ELP1: variants seen among roughly 807,000 people sequenced by gnomAD.
The protein encoded by ELP1 is elongator acetyltransferase complex subunit 1.
ELP1 carries 131 observed loss-of-function variants against 183.2 expected under a neutral mutation model. The observed-to-expected ratio is 0.72, with a 90% CI of 0.62 to 0.83. The LOEUF (loss-of-function observed/expected upper bound fraction) is 0.83. Among genes scored for constraint, ELP1 ranks in the 40% least tolerant of loss-of-function variants. The pLI, the probability that ELP1 is intolerant of heterozygous loss-of-function variation, is 0.00. For missense variants in ELP1, 1,550 were observed against 1,594.9 expected (o/e 0.97, Z 0.48); for synonymous variants, 555 against 569.0 (o/e 0.98, Z 0.35).
chr9:108,883,802 T>G (rs1269943240), intron 29 of ELP1, among the ~76,000 whole-genome samples: 1 of 150,494 alleles, frequency 6.6e-6, no homozygotes, highest in South Asian at 2.1e-4. Flanking sequence ...AAGCCAACAG[T>G]GGAGGTAAAA....
At chr9:108,869,525 C>A (rs1477997575) in intron 36 of ELP1, among the ~76,000 whole-genome samples, 2 of 152,186 alleles carry the variant, frequency 1.3e-5, no homozygotes, top group African/African-American at 4.8e-5. Flanking sequence ...CACCTGAAAT[C>A]TCTGCATTTC....
chr9:108,878,841 C>T (rs1223679217), intron 33 of ELP1, 91 bp from the exon 34 acceptor site: 2 of 1,338,056 alleles, frequency 1.5e-6, no homozygotes, highest in Non-Finnish European at 2.1e-6. Flanking sequence ...CTTGCAGTTG[C>T]TGATGACCCC....
intron 8 of ELP1, among the ~76,000 whole-genome samples, chr9:108,918,095 A>G (rs1003091981): frequency 6.6e-6 from 1 of 152,216 alleles, no homozygotes; most frequent in Non-Finnish European, 1.5e-5. Context: ...AAATGTTGAA[A>G]ACATCTTAAT....
intron 13 of ELP1, among the ~76,000 whole-genome samples, chr9:108,907,276 G>A (rs946694977): frequency 1.3e-5 from 2 of 152,060 alleles, no homozygotes. Flanking sequence ...AATCTCAGAC[G>A]AATTGGCATT....
chr9:108,894,075 A>T lies in ELP1; in HGVS notation c.2737-9T>A, dbSNP rs778622576. ...AGATATTCTTTGGGATCCTAAAAAA[A>T]TGATTAATGAGAACTTTATTACTTG... On this transcript the variant is annotated splice_polypyrimidine_tract_variant and intron_variant, in intron 25 of 36. Transcript: ENST00000374647. 1 of 1,418,860 alleles carries T rather than the reference A, an allele frequency of 7.0e-7. No individual in the cohort carries two copies. The highest frequency in any genetic ancestry group is 1.2e-5 in the South Asian group (1 of 85,774). The allele number at this position is 1,418,860 out of a possible 1,614,324, so 87.9% of individuals were successfully genotyped here. A position where few individuals can be genotyped will look rare whatever the true frequency, so the allele number is the denominator to read the frequency against.
intron 26 of ELP1, 93 bp from the exon 27 acceptor site, chr9:108,893,176 A>C: frequency 3.4e-6 from 3 of 883,010 alleles, no homozygotes; most frequent in Non-Finnish European, 5.6e-6. Context: ...AAAATAAATG[A>C]GGAACTTTTT....
At chr9:108,923,246 C>A (rs1232178088) in intron 5 of ELP1, among the ~76,000 whole-genome samples, 1 of 152,146 alleles carries the variant, frequency 6.6e-6, no homozygotes, top group Non-Finnish European at 1.5e-5. Flanking sequence ...ATGGCACACA[C>A]CTGTGGTCCC....
At chr9:108,884,290 G>A (rs2131956590) in intron 29 of ELP1, among the ~76,000 whole-genome samples, 1 of 152,240 alleles carries the variant, frequency 6.6e-6, no homozygotes, top group Non-Finnish European at 1.5e-5. Context: ...TAGAATCAAA[G>A]GAGAAATAGA....
intron 1 of ELP1, among the ~76,000 whole-genome samples, chr9:108,931,702 T>TA (rs1308135910): frequency 6.6e-6 from 1 of 152,100 alleles, no homozygotes; most frequent in African/African-American, 2.4e-5. Context: ...TATACATTCA[T>TA]AAAAAAACTG....
intron 29 of ELP1, among the ~76,000 whole-genome samples, chr9:108,887,642 C>T (rs1255823898): frequency 6.6e-6 from 1 of 152,140 alleles, no homozygotes; most frequent in African/African-American, 2.4e-5. Context: ...TTAATTGCAG[C>T]CTTGTAAAGG....
chr9:108,909,065 C>G (rs1255548492), intron 12 of ELP1, among the ~76,000 whole-genome samples: 1 of 152,046 alleles, frequency 6.6e-6, no homozygotes, highest in Non-Finnish European at 1.5e-5. Flanking sequence ...GCTCTTACCC[C>G]AGATGTCTGC....
At chr9:108,881,309 A>T (rs933485093) in intron 31 of ELP1, among the ~76,000 whole-genome samples, 2 of 152,192 alleles carry the variant, frequency 1.3e-5, no homozygotes, top group Admixed American at 6.5e-5. Flanking sequence ...TAAGGCAGAG[A>T]TATGATCCTT....
At chr9:108,910,569 T>C (rs1385878874) in intron 12 of ELP1, among the ~76,000 whole-genome samples, 3 of 152,168 alleles carry the variant, frequency 2.0e-5, no homozygotes, top group African/African-American at 7.2e-5. Context: ...GTTGAGGTCC[T>C]TGTCCATTCT....
intron 36 of ELP1, among the ~76,000 whole-genome samples, chr9:108,869,876 T>G (rs1001286498): frequency 2.6e-5 from 4 of 152,252 alleles, no homozygotes; most frequent in African/African-American, 9.6e-5. Context: ...GCAGTAAATC[T>G]GTACATATGA....
At chr9:108,930,703 A>C (rs891905963) in intron 2 of ELP1, among the ~76,000 whole-genome samples, 2 of 151,976 alleles carry the variant, frequency 1.3e-5, no homozygotes, top group Non-Finnish European at 2.9e-5. Context: ...AAAAAAAAAA[A>C]AAAAAAACCA....
At chr9:108,877,911 A>G (rs1587870578) in intron 35 of ELP1, 84 bp downstream of exon 35, 2 of 1,432,274 alleles carry the variant, frequency 1.4e-6, no homozygotes, top group Middle Eastern at 1.7e-4. Context: ...AAGAACAGGA[A>G]AACTTTTTGA....
intron 6 of ELP1, among the ~76,000 whole-genome samples, chr9:108,920,037 C>A (rs1587917634): frequency 6.6e-6 from 1 of 152,254 alleles, no homozygotes; most frequent in East Asian, 1.9e-4. Context: ...AAAATTTATT[C>A]TCAATGAAAC....
At position 108,874,948 on chromosome 9, in the gene ELP1, G is replaced by A; in HGVS notation, c.3878C>T (p.Ala1293Val). ...CTGATAAGATGCCATGATACTATTT[G>A]CAGTAGAATTGGGACCTAGAACCTG... ...ATPVLGPNST[A>V]NSIMASYQQQ... The change falls in exon 36 of 37, where the codon GCA becomes GTA. Residue 1293 changes from alanine (A) to valine (V), a missense_variant. Ala to Val is a moderately conservative substitution (Grantham distance 64). Coordinates refer to ENST00000374647, the MANE Select transcript of ELP1 (RefSeq NM_003640.5). 2 of 1,611,948 alleles carry A rather than the reference G, an allele frequency of 1.2e-6. No individual in the cohort carries two copies. Among genetic ancestry groups the A allele is most frequent in the Non-Finnish European group, 1.7e-6 (2 of 1,178,128 alleles).
At position 108,916,253 on chromosome 9, in the gene ELP1, G is replaced by C. The variant is rs142420285; in HGVS notation, c.909C>G (p.Val303=). ...LWNADSSVLA[V]WLEDLQREES... is the part of the protein sequence containing the mutation. The stretch of plus-strand genomic sequence containing the variant: ...CTTCTCTCTGAAGGTCTTCCAGCCA[G>C]ACTGCAAGCACAGAGGAATCTGCAT... The change falls in exon 10 of 37, where the codon GTC becomes GTG. Residue 303 remains valine, a synonymous_variant. Coordinates refer to ENST00000374647, the MANE Select transcript of ELP1 (RefSeq NM_003640.5). 106 of 1,614,172 alleles carry C rather than the reference G, an allele frequency of 6.6e-5. No individual in the cohort carries two copies. The African/African-American group carries it at 1.3e-3, about 20-fold the overall frequency.
Sources: allele counts gnomAD v4.1 joint callset (sites outside exome capture counted in the v4.1 genomes callset), GRCh38; gene constraint gnomAD v4.1.1; transcripts MANE v1.5; gene names NCBI Gene and HGNC (gene_info 2026-07-23, HGNC 2026-07-21).